The following PCDH15 variants were observed in gnomAD, a reference collection of about 807,000 sequenced individuals.
The protein encoded by PCDH15 is protocadherin-15.
A neutral mutation model predicts 178.5 loss-of-function variants in PCDH15; 129 were observed. That is an observed-to-expected ratio of 0.72 (90% CI 0.63 to 0.84). The LOEUF (loss-of-function observed/expected upper bound fraction) is 0.84, where lower values mean the gene tolerates loss of function less well. Among genes scored for constraint, PCDH15 ranks in the 40% least tolerant of loss-of-function variants. The probability of loss-of-function intolerance (pLI) is 0.00; values close to 1 mark genes in which losing one functional copy is unlikely to be tolerated. For missense variants in PCDH15, 2,230 were observed against 2,099.9 expected, an observed-to-expected ratio of 1.06 and a Z score of -1.21; for synonymous variants, 800 against 732.0, an observed-to-expected ratio of 1.09 and a Z score of -1.50.
At chr10:55,332,718 T>G (rs890791329) in intron 2 of PCDH15, among the ~76,000 whole-genome samples, 1 of 152,142 alleles carries the variant, frequency 6.6e-6, no homozygotes, top group African/African-American at 2.4e-5. Flanking sequence ...TAATATTGAA[T>G]AAGTGTCAAA....
intron 1 of PCDH15, among the ~76,000 whole-genome samples, chr10:55,227,556 A>G (rs923096445): frequency 6.7e-6 from 1 of 149,228 alleles, no homozygotes; most frequent in African/African-American, 2.5e-5. Flanking sequence ...CAGGAGAAAG[A>G]CTTCTTAGTA....
intron 2 of PCDH15, among the ~76,000 whole-genome samples, chr10:54,614,231 G>T (rs568346677): frequency 1.3e-5 from 2 of 152,018 alleles, no homozygotes; most frequent in South Asian, 4.1e-4. Context: ...GCCAACACTA[G>T]CCTAGAGGGC....
intron 1 of PCDH15, among the ~76,000 whole-genome samples, chr10:54,692,539 G>C (rs1397099752): frequency 6.6e-6 from 1 of 152,104 alleles, no homozygotes; most frequent in Non-Finnish European, 1.5e-5. Context: ...CTCTCTGATT[G>C]AGCCTTCCCT....
At chr10:55,212,842 T>C (rs1368030884) in intron 1 of PCDH15, among the ~76,000 whole-genome samples, 1 of 152,116 alleles carries the variant, frequency 6.6e-6, no homozygotes, top group African/African-American at 2.4e-5. Context: ...AGTCCTACTT[T>C]CTATTCAAAA....
intron 7 of PCDH15, among the ~76,000 whole-genome samples, chr10:54,325,410 G>C (rs1937723670): frequency 6.6e-6 from 1 of 151,876 alleles, no homozygotes; most frequent in African/African-American, 2.4e-5. Flanking sequence ...TAATATATTG[G>C]TGCTTAATGT....
chr10:55,420,377 C>A (rs1353215880), intron 2 of PCDH15, among the ~76,000 whole-genome samples: 1 of 151,600 alleles, frequency 6.6e-6, no homozygotes, highest in African/African-American at 2.4e-5. Context: ...AGTTTGCAGA[C>A]CCCTTCCCTA....
At chr10:54,036,966 T>G (rs1208997371) in intron 18 of PCDH15, among the ~76,000 whole-genome samples, 2 of 151,900 alleles carry the variant, frequency 1.3e-5, no homozygotes, top group Non-Finnish European at 2.9e-5. Flanking sequence ...TCTGAGAGGT[T>G]CAAGAGAGGT....
At chr10:54,157,094 G>A (rs1316211332) in intron 13 of PCDH15, among the ~76,000 whole-genome samples, 1 of 152,164 alleles carries the variant, frequency 6.6e-6, no homozygotes, top group Non-Finnish European at 1.5e-5. Flanking sequence ...CAGGTGCATA[G>A]TACAAGCTGT....
At chr10:55,556,116 T>C (rs1842086976) in intron 2 of PCDH15, among the ~76,000 whole-genome samples, 1 of 152,166 alleles carries the variant, frequency 6.6e-6, no homozygotes, top group African/African-American at 2.4e-5. Context: ...AGATTATTAA[T>C]TTTTATTTGT....
At chr10:54,501,179 C>A (rs1163491157) in intron 3 of PCDH15, among the ~76,000 whole-genome samples, 1 of 151,122 alleles carries the variant, frequency 6.6e-6, no homozygotes, top group Non-Finnish European at 1.5e-5. Flanking sequence ...CGCATGTATA[C>A]CTATGTAACA....
At chr10:54,838,346 A>T (rs1953357115) in intron 3 of PCDH15, among the ~76,000 whole-genome samples, 1 of 151,950 alleles carries the variant, frequency 6.6e-6, no homozygotes, top group Non-Finnish European at 1.5e-5. Context: ...GTCTCATGAG[A>T]TCTGATGGTT....
intron 23 of PCDH15, 71 bp downstream of exon 23, chr10:53,959,661 A>T: frequency 8.6e-7 from 1 of 1,160,934 alleles, no homozygotes; most frequent in Non-Finnish European, 1.3e-6. Context: ...ATATTACATC[A>T]ATTTTGAGAG....
intron 10 of PCDH15, among the ~76,000 whole-genome samples, chr10:54,199,588 T>TAATAATAA (rs2050028609): frequency 6.7e-6 from 1 of 149,320 alleles, no homozygotes; most frequent in Non-Finnish European, 1.5e-5. Context: ...ATAATAATAA[T>TAATAATAA]AATAATAATA....
chr10:54,025,847 T>C (rs2093069884), intron 18 of PCDH15, among the ~76,000 whole-genome samples: 2 of 152,188 alleles, frequency 1.3e-5, no homozygotes, highest in Middle Eastern at 3.4e-3. Flanking sequence ...CTCACATTTT[T>C]TGAATCCCTC....
intron 2 of PCDH15, among the ~76,000 whole-genome samples, chr10:54,971,645 A>T (rs368481602): frequency 2.6e-5 from 4 of 152,332 alleles, no homozygotes; most frequent in Admixed American, 2.0e-4. Context: ...GGCAAGACAC[A>T]GACACTCTTC....
chr10:54,309,936 G>A (rs188448807), intron 8 of PCDH15, among the ~76,000 whole-genome samples: 1 of 152,086 alleles, frequency 6.6e-6, no homozygotes, highest in African/African-American at 2.4e-5. Flanking sequence ...GTAATGAAGA[G>A]TTTAATATTT....
intron 14 of PCDH15, among the ~76,000 whole-genome samples, chr10:54,141,145 G>A (rs1040549201): frequency 3.3e-5 from 5 of 150,972 alleles, no homozygotes; most frequent in African/African-American, 1.2e-4. Flanking sequence ...ATGCTTTTTA[G>A]TTTCTAATGG....
chr10:54,762,292 ATAT>A (rs549783923), intron 1 of PCDH15, among the ~76,000 whole-genome samples: 2 of 152,174 alleles, frequency 1.3e-5, no homozygotes, highest in Non-Finnish European at 2.9e-5. Context: ...TTTGCTGGAG[ATAT>A]TAGCAGAACA....
intron 18 of PCDH15, among the ~76,000 whole-genome samples, chr10:54,045,749 A>T (rs1253342441): frequency 6.6e-6 from 1 of 152,148 alleles, no homozygotes; most frequent in Non-Finnish European, 1.5e-5. Flanking sequence ...ATAAATCTTT[A>T]AAAAGCAGGT....
Sources: allele counts gnomAD v4.1 joint callset (sites outside exome capture counted in the v4.1 genomes callset), GRCh38; gene constraint gnomAD v4.1.1; transcripts MANE v1.5; gene names NCBI Gene and HGNC (gene_info 2026-07-23, HGNC 2026-07-21).